The following MAP3K9 variants were observed in gnomAD, a reference collection of about 807,000 sequenced individuals.
MAP3K9 encodes the protein mixed lineage kinase 1 (tyr and ser/thr specificity).
Under a neutral mutation model 95.8 loss-of-function variants are expected in MAP3K9, and 46 were observed. The observed-to-expected ratio is 0.48, with a 90% CI of 0.38 to 0.61. The LOEUF is 0.61. Among genes scored for constraint, MAP3K9 ranks in the 20% least tolerant of loss-of-function variants. The pLI is 0.00. For missense variants in MAP3K9, 1,296 were observed against 1,474.3 expected, an observed-to-expected ratio of 0.88 and a Z score of 1.98; for synonymous variants, 533 against 593.8, an observed-to-expected ratio of 0.90 and a Z score of 1.49.
In MAP3K9 at chr14:70,732,632, G is replaced by A. The variant is rs200148074; in HGVS notation, c.2737C>T (p.Arg913Trp). 75 of 1,606,510 alleles carry A rather than the reference G, an allele frequency of 4.7e-5. No individual in the cohort carries two copies. Among genetic ancestry groups the A allele is most frequent in the African/African-American group, 2.0e-4 (15 of 74,662 alleles). Residue 913 changes from arginine (R) to tryptophan (W), a missense_variant, in exon 11 of 12, where the codon CGG (arginine) becomes TGG (tryptophan). Around this residue, in one of 5 missense-constraint regions of MAP3K9, gnomAD observed 433 missense variants for 441.4 expected, o/e 0.98. Transcript: ENST00000554752. ...AGGGCCCCATCAGAAGGAGTCCGCC[G>A]GTGACTGCTGGGCTGCGAGGGGGTG... ...LTTPSQPSSH[R>W]RTPSDGALKP...
Position 70,730,068 on chromosome 14 carries a change from G to A in MAP3K9, c.*312C>T, listed in dbSNP as rs1349365596. ...GAGGGAGCAGCAGACAGATTTGGCT[G>A]AGTGACTCTGCAGGGTCACTCTAAA... On this transcript the variant is annotated 3_prime_UTR_variant, in exon 12 of 12. Coordinates refer to ENST00000554752, the MANE Select transcript of MAP3K9 (RefSeq NM_001284230.2). 3 of 320,474 alleles carry A rather than the reference G, an allele frequency of 9.4e-6. No homozygotes were observed. The highest frequency in any genetic ancestry group is 1.7e-5 in the Non-Finnish European group (3 of 171,908). 19.9% of individuals were successfully genotyped at this position (320,474 alleles called of 1,614,324 possible). A position where few individuals can be genotyped will look rare whatever the true frequency, so the allele number is the denominator to read the frequency against.
chr14:70,740,146 G>A lies in MAP3K9; in HGVS notation c.1586C>T (p.Thr529Met), dbSNP rs1238120254. The A allele has an allele frequency of 4.3e-6, 7 of 1,613,004 alleles. No individual in the cohort carries two copies. The highest frequency in any genetic ancestry group is 2.2e-5 in the South Asian group (2 of 91,024). Residue 529 changes from threonine (T) to methionine (M), a missense_variant, in exon 7 of 12, where the codon ACG becomes ATG. By Grantham distance (81) the Thr-to-Met change is moderately conservative. Around this residue, in one of 5 missense-constraint regions of MAP3K9, gnomAD observed 377 missense variants for 417.1 expected, o/e 0.90. Coordinates refer to ENST00000554752, the MANE Select transcript of MAP3K9 (RefSeq NM_001284230.2). ...SLPSDFQHKF[T>M]VQASPTMDKR... ...ATCCATGGTAGGGGAGGCCTGCACC[G>A]TGAACTTGTGCTGGAAATCTGCTTG...
At chr14:70,799,213 G>C (rs2139857609) in intron 2 of MAP3K9, among the ~76,000 whole-genome samples, 1 of 152,138 alleles carries the variant, frequency 6.6e-6, no homozygotes, top group South Asian at 2.1e-4. Flanking sequence ...ATGTTGCCCA[G>C]GCTGGTCTCA....
At chr14:70,783,501 T>G in intron 2 of MAP3K9, 1 of 756,634 alleles carries the variant, frequency 1.3e-6, no homozygotes. Context: ...CACAAAGCTC[T>G]AAAGTTCCAG....
At chr14:70,758,909 T>C (rs1003662149) in intron 3 of MAP3K9, among the ~76,000 whole-genome samples, 10 of 152,168 alleles carry the variant, frequency 6.6e-5, no homozygotes, top group Non-Finnish European at 1.5e-4. Flanking sequence ...ATTACAGGCA[T>C]GCGCCACCAC....
rs2054909053 is a variant in MAP3K9, at chr14:70,799,824, CCTCCT to C, written c.820+838_820+842del. On this transcript the variant is annotated intron_variant, in intron 2 of 11. Coordinates refer to ENST00000554752, the MANE Select transcript of MAP3K9 (RefSeq NM_001284230.2). Reference sequence around the variant, plus strand: ...ACCCAAAGTCCTTCAACTCAAATGCCCTCCTCTCTGGGACAGGATGCTCCAAGTGA... The same window carrying C: ...ACCCAAAGTCCTTCAACTCAAATGCCCTCTGGGACAGGATGCTCCAAGTGA... 9.2e-5 allele frequency among the ~76,000 whole-genome samples: 14 copies of C among 152,284 alleles called. No homozygotes were observed. In the South Asian group the frequency reaches 2.9e-3, roughly 32 times the overall value.
At chr14:70,748,726 A>T (rs2054183698) in intron 5 of MAP3K9, 103 bp downstream of exon 5, 6 of 822,230 alleles carry the variant, frequency 7.3e-6, no homozygotes, top group Non-Finnish European at 1.1e-5. Context: ...CAAGATGGTC[A>T]GTCAGACTCG....
intron 3 of MAP3K9, 73 bp downstream of exon 3, chr14:70,760,929 T>C: frequency 6.5e-7 from 1 of 1,527,140 alleles, no homozygotes; most frequent in Non-Finnish European, 8.9e-7. Context: ...TAACCTCAAT[T>C]CTCCAAGTCT....
Position 70,744,362 on chromosome 14 carries a change from TA to T in MAP3K9, c.1327-1772del, listed in dbSNP as rs200094989. ...ATTAAAAATAAATAAATAGTAAAAA[TA>T]AAAAAAAAGATATTTTTAAAGCAGA... On this transcript the variant is annotated intron_variant, in intron 5 of 11. Coordinates refer to ENST00000554752, the MANE Select transcript of MAP3K9 (RefSeq NM_001284230.2). 7.7e-3 allele frequency among the ~76,000 whole-genome samples: 1,164 copies of T among 150,530 alleles called. 20 individuals are homozygous for T. The highest frequency in any genetic ancestry group is 0.026 in the African/African-American group (1,080 of 41,000).
At chr14:70,777,234 C>T (rs1405849312) in intron 2 of MAP3K9, among the ~76,000 whole-genome samples, 1 of 152,180 alleles carries the variant, frequency 6.6e-6, no homozygotes, top group Non-Finnish European at 1.5e-5. Context: ...TTCCTGCCCC[C>T]ATCCATATCA....
chr14:70,788,721 A>T (rs2054774692), intron 2 of MAP3K9, among the ~76,000 whole-genome samples: 1 of 152,206 alleles, frequency 6.6e-6, no homozygotes, highest in Admixed American at 6.5e-5. Context: ...GATTATCAAA[A>T]CTATAAACAT....
Position 70,726,544 on chromosome 14 carries a change from A to G in MAP3K9, c.*3836T>C, listed in dbSNP as rs1332805584. The G allele has an allele frequency of 1.3e-5, 2 of 152,254 alleles. No homozygotes were observed. The highest frequency in any genetic ancestry group is 4.8e-5 in the African/African-American group (2 of 41,464). The allele number at this position is 152,254 out of a possible 1,614,324, so 9.4% of individuals were successfully genotyped here. On this transcript the variant is annotated 3_prime_UTR_variant, in exon 12 of 12. Coordinates refer to ENST00000554752, the MANE Select transcript of MAP3K9 (RefSeq NM_001284230.2). ...TCCCATTTCCTTCTCTGTAAGACAC[A>G]AGTGGTGAGGATGACATTGGCAGAC... is the stretch of plus-strand genomic sequence containing the variant.
At chr14:70,748,121 T>A (rs4899369) in intron 5 of MAP3K9, among the ~76,000 whole-genome samples, 129,310 of 145,176 alleles carry the variant, frequency 0.89, 57,677 homozygotes, top group Middle Eastern at 0.92. Context: ...AAAAAAAAAA[T>A]GGTAAAAGAA....
rs2055040230 is a variant in MAP3K9 at position 70,809,301 on chromosome 14, T to C, written c.-130A>G. ...CGGCGGCCGCAGGTAGGGCCCGGGCTGGCAGGGCTGGGAGAGCCGGCTCGC... is the reference window on the plus strand; with the variant it reads ...CGGCGGCCGCAGGTAGGGCCCGGGCCGGCAGGGCTGGGAGAGCCGGCTCGC... On this transcript the variant is annotated 5_prime_UTR_variant, in exon 1 of 12. Coordinates refer to ENST00000554752, the MANE Select transcript of MAP3K9 (RefSeq NM_001284230.2). 7.9e-6 allele frequency: 9 copies of C among 1,140,716 alleles called. No homozygotes were observed. Among genetic ancestry groups the C allele is most frequent in the Admixed American group, 4.3e-5 (1 of 23,484 alleles). 70.7% of individuals were successfully genotyped at this position (1,140,716 alleles called of 1,614,324 possible).
Position 70,799,784 on chromosome 14 carries a change from G to A in MAP3K9, c.820+883C>T, listed in dbSNP as rs911903551. Among the ~76,000 whole-genome samples, 6 of 152,288 alleles carry A rather than the reference G, an allele frequency of 3.9e-5. No homozygotes were observed. In the East Asian group the frequency reaches 7.7e-4, roughly 20 times the overall value. ...TGCAAAGAGAGTGAAGTCCCTGGGG[G>A]CCCATGCTTCCCCCACCCAAAGTCC... On this transcript the variant is annotated intron_variant, in intron 2 of 11. Transcript: ENST00000554752.
In MAP3K9 at chr14:70,775,368, T is replaced by G. The variant is rs181706495; in HGVS notation, c.821-14186A>C. ...TCTAGGAAGCGAAAGAGTCAAGATT[T>G]GAATCTTGCTCTGGCTTCTAGGCCT... On this transcript the variant is annotated intron_variant, in intron 2 of 11. Transcript: ENST00000554752. Among the ~76,000 whole-genome samples the G allele has an allele frequency of 3.3e-5, 5 of 152,256 alleles. No individual in the cohort carries two copies. In the East Asian group the frequency reaches 9.6e-4, roughly 29 times the overall value.
intron 2 of MAP3K9, among the ~76,000 whole-genome samples, chr14:70,778,101 ATTG>A (rs1377708675): frequency 1.7e-5 from 2 of 115,718 alleles, no homozygotes; most frequent in African/African-American, 2.9e-5. Context: ...TGTTGTTGTT[ATTG>A]TTGTTGTTGT....
chr14:70,768,268 T>C (rs1293228974), intron 2 of MAP3K9, among the ~76,000 whole-genome samples: 1 of 151,908 alleles, frequency 6.6e-6, no homozygotes, highest in Non-Finnish European at 1.5e-5. Flanking sequence ...ACCCCAAAAA[T>C]ATATACACCT....
chr14:70,764,013 G>A (rs1055072120), intron 2 of MAP3K9, among the ~76,000 whole-genome samples: 64 of 148,278 alleles, frequency 4.3e-4, no homozygotes, highest in African/African-American at 1.5e-3. Flanking sequence ...GTGAAACCCC[G>A]TCTCTACTAA....
Sources: allele counts gnomAD v4.1 joint callset (sites outside exome capture counted in the v4.1 genomes callset), GRCh38; gene constraint gnomAD v4.1.1; regional missense constraint gnomAD v4.1.1; transcripts MANE v1.5; gene names NCBI Gene and HGNC (gene_info 2026-07-23, HGNC 2026-07-21).